The following IRF8 variants were observed in gnomAD, a reference collection of about 807,000 sequenced individuals.
IRF8 encodes interferon consensus sequence binding protein 1.
Under a neutral mutation model 48.7 loss-of-function variants are expected in IRF8, and 14 were observed. The observed-to-expected ratio is 0.29, with a 90% CI of 0.19 to 0.45. The LOEUF is 0.45. IRF8 is among the 20% of genes least tolerant of loss of function. The probability of loss-of-function intolerance (pLI) is 1.00; values close to 1 mark genes in which losing one functional copy is unlikely to be tolerated. For missense variants in IRF8, 493 were observed against 580.7 expected (o/e 0.85, Z 1.55); for synonymous variants, 278 against 227.3 (o/e 1.22, Z -2.01).
intron 1 of IRF8, 21 bp from the exon 2 acceptor site, chr16:85,902,994 G>T (rs556789652): frequency 3.1e-6 from 5 of 1,613,534 alleles, no homozygotes; most frequent in Non-Finnish European, 4.2e-6. Flanking sequence ...ATATCACAGC[G>T]TGTATTTCTG....
chr16:85,905,324 C>T (rs1167379490), intron 2 of IRF8, among the ~76,000 whole-genome samples: 2 of 152,234 alleles, frequency 1.3e-5, no homozygotes, highest in African/African-American at 4.8e-5. Flanking sequence ...GACGAAGCTT[C>T]TCCCTTCACC....
chr16:85,909,169 A>G lies in IRF8; in HGVS notation c.354A>G (p.Gln118=). Residue 118 remains glutamine, a synonymous_variant, in exon 3 of 9, where the codon CAA becomes CAG. Transcript: ENST00000268638. The stretch of plus-strand genomic sequence containing the variant: ...ACCGAATTGTTCCTGAGGAAGAGCA[A>G]AAATGTAACTATCCTTTATGGGCAT... ...KVYRIVPEEE[Q]KCKLGVATAG... 1 of 1,614,050 alleles carries G rather than the reference A, an allele frequency of 6.2e-7. No homozygotes were observed. The highest frequency in any genetic ancestry group is 8.5e-7 in the Non-Finnish European group (1 of 1,179,928).
Position 85,920,154 on chromosome 16 carries a change from G to A in IRF8, c.1034G>A (p.Arg345Lys). Residue 345 changes from arginine (R) to lysine (K), a missense_variant, in exon 8 of 9, where the codon AGG (arginine) becomes AAG (lysine). Coordinates refer to ENST00000268638, the MANE Select transcript of IRF8 (RefSeq NM_002163.4). ...YNSQGRLPDG[R>K]VVLCFGEEFP... is the part of the protein sequence containing the mutation. ...AGCCAGGGCCGGCTTCCTGACGGCA[G>A]GGTGGTGCTGTGCTTTGGGGAAGAG... is the stretch of plus-strand genomic sequence containing the variant. The A allele has an allele frequency of 6.2e-7, 1 of 1,614,128 alleles. No homozygotes were observed. Among genetic ancestry groups the A allele is most frequent in the Non-Finnish European group, 8.5e-7 (1 of 1,180,014 alleles).
chr16:85,919,947 CT>C (rs1232073030), intron 7 of IRF8, among the ~76,000 whole-genome samples, 161 bp from the exon 8 acceptor site: 1 of 152,248 alleles, frequency 6.6e-6, no homozygotes, highest in East Asian at 1.9e-4. Flanking sequence ...CGAACAGCTC[CT>C]TGCTTGGAAT....
intron 8 of IRF8, among the ~76,000 whole-genome samples, chr16:85,920,454 G>A (rs1905515090): frequency 6.6e-6 from 1 of 152,088 alleles, no homozygotes; most frequent in African/African-American, 2.4e-5. Flanking sequence ...CACCATGTTG[G>A]CCAGGATGGT....
Position 85,915,468 on chromosome 16 carries a change from G to A in IRF8, c.601+948G>A, listed in dbSNP as rs409661. Among the ~76,000 whole-genome samples, 161 of 152,280 alleles carry A rather than the reference G, an allele frequency of 1.1e-3. 2 individuals are homozygous for A. The highest frequency in any genetic ancestry group is 8.4e-3 in the Admixed American group (128 of 15,310). On this transcript the variant is annotated intron_variant, in intron 6 of 8. Transcript: ENST00000268638. Reference sequence around the variant, plus strand: ...TGCTCACCCAGGCAGGAAAACTGTCGAGATGGCAATGCCCTGTCCATGAAG... The same window carrying A: ...TGCTCACCCAGGCAGGAAAACTGTCAAGATGGCAATGCCCTGTCCATGAAG...
chr16:85,918,498 G>T lies in IRF8; in HGVS notation c.683G>T (p.Arg228Leu). Reference sequence around the variant, plus strand: ...ACCACCACCTGCCCCGAGGGCTGCCGCCTGTCCCTGAGCCAGCCTGGGCTG... The same window carrying T: ...ACCACCACCTGCCCCGAGGGCTGCCTCCTGTCCCTGAGCCAGCCTGGGCTG... ...QATTTCPEGC[R>L]LSLSQPGLPG... is the part of the protein sequence containing the mutation. Residue 228 changes from arginine (R) to leucine (L), a missense_variant, in exon 7 of 9, where the codon CGC becomes CTC. By Grantham distance (102) the Arg-to-Leu change is moderately radical. Coordinates refer to ENST00000268638, the MANE Select transcript of IRF8 (RefSeq NM_002163.4). 1 of 1,593,692 alleles carries T rather than the reference G, an allele frequency of 6.3e-7. No individual in the cohort carries two copies. Among genetic ancestry groups the T allele is most frequent in the Non-Finnish European group, 8.5e-7 (1 of 1,175,094 alleles).
At chr16:85,900,130 T>G (rs2152097617) in intron 1 of IRF8, among the ~76,000 whole-genome samples, 1 of 152,314 alleles carries the variant, frequency 6.6e-6, no homozygotes, top group African/African-American at 2.4e-5. Context: ...AGAAATGGCT[T>G]TGGTGCTTTC....
At chr16:85,901,520 A>AGGCAG (rs1268556343) in intron 1 of IRF8, among the ~76,000 whole-genome samples, 12 of 152,152 alleles carry the variant, frequency 7.9e-5, no homozygotes, top group Admixed American at 7.9e-4. Context: ...CAAGGGGCTG[A>AGGCAG]GGCAGGAAGA....
chr16:85,922,057 T>C lies in IRF8; in HGVS notation c.*775T>C, dbSNP rs305072. 0.075 allele frequency: 11,476 copies of C among 152,458 alleles called. 1,049 individuals carry two copies. The highest frequency in any genetic ancestry group is 0.32 in the East Asian group (1,707 of 5,312). 9.4% of individuals were successfully genotyped at this position (152,458 alleles called of 1,614,324 possible). The stretch of plus-strand genomic sequence containing the variant: ...TGGTTTTCACATGTGTTTGAAATAT[T>C]TGTACTTCGAATTGTCGGATTTTCC... On this transcript the variant is annotated 3_prime_UTR_variant, in exon 9 of 9. Transcript: ENST00000268638.
At chr16:85,903,890 C>T (rs1444590232) in intron 2 of IRF8, among the ~76,000 whole-genome samples, 4 of 152,278 alleles carry the variant, frequency 2.6e-5, no homozygotes, top group South Asian at 2.1e-4. Flanking sequence ...TCTTGTATGA[C>T]GGAGCCAGCA....
At chr16:85,917,315 A>C (rs4843860) in intron 6 of IRF8, among the ~76,000 whole-genome samples, 1 of 152,058 alleles carries the variant, frequency 6.6e-6, no homozygotes, top group Non-Finnish European at 1.5e-5. Context: ...GGTTTAAGGC[A>C]ATTAAAATGC....
chr16:85,910,021 T>C (rs1905101419), intron 3 of IRF8: 1 of 152,238 alleles, frequency 6.6e-6, no homozygotes, highest in South Asian at 2.1e-4. Flanking sequence ...CCCCCAAAAC[T>C]TCTTGGGGCT....
At chr16:85,920,938 G>T (rs1905536927) in intron 8 of IRF8, among the ~76,000 whole-genome samples, 168 bp from the exon 9 acceptor site, 1 of 152,174 alleles carries the variant, frequency 6.6e-6, no homozygotes, top group East Asian at 1.9e-4. Flanking sequence ...GGGGAGTATG[G>T]AACAGTTTTG....
At chr16:85,917,547 A>G (rs543700538) in intron 6 of IRF8, among the ~76,000 whole-genome samples, 12 of 152,354 alleles carry the variant, frequency 7.9e-5, no homozygotes, top group South Asian at 2.1e-4. Context: ...GGCACCTGGT[A>G]TAAGTAGGTA....
chr16:85,904,394 A>G (rs1797633361), intron 2 of IRF8, among the ~76,000 whole-genome samples: 2 of 152,228 alleles, frequency 1.3e-5, no homozygotes, highest in African/African-American at 2.4e-5. Context: ...TCCCAGCCAC[A>G]GATGACTGTC....
chr16:85,914,571 G>A (rs1219177664), intron 6 of IRF8, 51 bp downstream of exon 6: 1 of 1,607,550 alleles, frequency 6.2e-7, no homozygotes, highest in Non-Finnish European at 8.5e-7. Context: ...TGAAGACAAA[G>A]CCCAGATAAC....
intron 3 of IRF8, among the ~76,000 whole-genome samples, chr16:85,910,248 C>T (rs1217384467): frequency 6.6e-6 from 1 of 152,126 alleles, no homozygotes; most frequent in African/African-American, 2.4e-5. Context: ...GAGCCAAAGC[C>T]GATGCCCGAC....
At chr16:85,918,142 C>G (rs9924488) in intron 6 of IRF8, among the ~76,000 whole-genome samples, 44,522 of 152,080 alleles carry the variant, frequency 0.29, 6,793 homozygotes, top group Middle Eastern at 0.4. Flanking sequence ...CAGACCTTCT[C>G]TAGACCTTGT....
Sources: allele counts gnomAD v4.1 joint callset (sites outside exome capture counted in the v4.1 genomes callset), GRCh38; gene constraint gnomAD v4.1.1; transcripts MANE v1.5; gene names NCBI Gene and HGNC (gene_info 2026-07-23, HGNC 2026-07-21).